RIMBP2: variants seen among roughly 807,000 people sequenced by gnomAD.
RIMBP2 encodes the protein RIMS binding protein 2, also known as RIMS-binding protein 2.
A neutral mutation model predicts 118.6 loss-of-function variants in RIMBP2; 48 were observed. That is an observed-to-expected ratio of 0.40 (90% CI 0.32 to 0.51). The LOEUF is 0.51. RIMBP2 is among the 20% of genes least tolerant of loss of function. The pLI is 0.41. For missense variants in RIMBP2, 1,551 were observed against 1,768.3 expected (o/e 0.88, Z 2.20); for synonymous variants, 762 against 742.9 (o/e 1.03, Z -0.42).
At chr12:130,467,621 A>G (rs1048221448) in intron 6 of RIMBP2, among the ~76,000 whole-genome samples, 1 of 152,180 alleles carries the variant, frequency 6.6e-6, no homozygotes, top group African/African-American at 2.4e-5. Flanking sequence ...CTCTTTCTCT[A>G]TTGCAACATC....
rs552223890 is a variant in RIMBP2, at chr12:130,434,449, C to T, written c.2253+285G>A. Among the ~76,000 whole-genome samples the T allele has an allele frequency of 3.9e-5, 6 of 152,328 alleles. No individual in the cohort carries two copies. Among genetic ancestry groups the T allele is most frequent in the South Asian group, 4.1e-4 (2 of 4,822 alleles). Reference sequence around the variant, plus strand: ...TGCCTGAACTGAGCCTAACCCTACCCGGACCTGCAAAACCACCCCTATGAC... The same window carrying T: ...TGCCTGAACTGAGCCTAACCCTACCTGGACCTGCAAAACCACCCCTATGAC... On this transcript the variant is annotated intron_variant, in intron 14 of 22. Coordinates refer to ENST00000690449, the MANE Select transcript of RIMBP2 (RefSeq NM_001393629.1). The surrounding 1 kb of genome is among the most constrained non-coding windows in gnomAD (Gnocchi z 5.7).
chr12:130,667,057 A>G (rs1382495231), intron 1 of RIMBP2, among the ~76,000 whole-genome samples: 1,430 of 55,698 alleles, frequency 0.026, 133 homozygotes, highest in African/African-American at 0.091. Context: ...GGGAGGGAGA[A>G]AAGGAAGAAG....
At chr12:130,439,364 T>C (rs1033764942) in intron 11 of RIMBP2, among the ~76,000 whole-genome samples, 7 of 150,002 alleles carry the variant, frequency 4.7e-5, no homozygotes, top group Admixed American at 2.0e-4. Context: ...GGCATGCGTA[T>C]GTGTGTATGT....
intron 11 of RIMBP2, among the ~76,000 whole-genome samples, chr12:130,438,834 GC>G (rs1329233030): frequency 6.6e-6 from 1 of 152,106 alleles, no homozygotes; most frequent in East Asian, 1.9e-4. Context: ...ACCCGGCAGA[GC>G]TACCTCTGTC....
chr12:130,540,908 G>C (rs1036769047), intron 2 of RIMBP2, among the ~76,000 whole-genome samples: 1 of 152,150 alleles, frequency 6.6e-6, no homozygotes, highest in African/African-American at 2.4e-5. Context: ...GGTTTCATGT[G>C]GGGGTGAGAG....
intron 5 of RIMBP2, among the ~76,000 whole-genome samples, chr12:130,478,646 TACGC>T (rs1411540234): frequency 2.0e-5 from 3 of 152,254 alleles, no homozygotes; most frequent in African/African-American, 7.2e-5. Context: ...CAGCCATCTC[TACGC>T]ATGTGTTTTT....
At chr12:130,430,993 T>C (rs949818373) in intron 14 of RIMBP2, among the ~76,000 whole-genome samples, 1 of 152,190 alleles carries the variant, frequency 6.6e-6, no homozygotes, top group Non-Finnish European at 1.5e-5. Context: ...ACCCGGAACA[T>C]AGACAATCTT....
intron 1 of RIMBP2, among the ~76,000 whole-genome samples, chr12:130,701,163 G>A (rs2065836702): frequency 6.6e-6 from 1 of 152,190 alleles, no homozygotes; most frequent in Middle Eastern, 3.2e-3. Flanking sequence ...GCTGTAGACA[G>A]GGAGCCACTC....
intron 1 of RIMBP2, among the ~76,000 whole-genome samples, chr12:130,629,478 G>C (rs2061848530): frequency 6.6e-6 from 1 of 152,208 alleles, no homozygotes; most frequent in Admixed American, 6.5e-5. Context: ...CAAGCAATCT[G>C]TGAGGGAAAC....
chr12:130,470,878 ACATT>A (rs1352280732), intron 5 of RIMBP2, 135 bp from the exon 6 acceptor site: 1 of 453,808 alleles, frequency 2.2e-6, no homozygotes, highest in Non-Finnish European at 3.6e-6. Flanking sequence ...AATTATTCCT[ACATT>A]CATTATTTAA....
chr12:130,642,185 G>A (rs1337111753), intron 1 of RIMBP2, among the ~76,000 whole-genome samples: 1 of 152,214 alleles, frequency 6.6e-6, no homozygotes, highest in Non-Finnish European at 1.5e-5. Flanking sequence ...AGACCAGAAA[G>A]AGAAGATGGC....
intron 13 of RIMBP2, among the ~76,000 whole-genome samples, chr12:130,436,155 C>A (rs1237998924): frequency 6.6e-6 from 1 of 152,208 alleles, no homozygotes; most frequent in East Asian, 1.9e-4. Flanking sequence ...TTCCCCTAGC[C>A]CTGCACGGGG....
At chr12:130,478,772 CTG>C in intron 5 of RIMBP2, 138 bp downstream of exon 5, 1 of 620,564 alleles carries the variant, frequency 1.6e-6, no homozygotes, top group Non-Finnish European at 2.9e-6. Flanking sequence ...AGAAATGACT[CTG>C]AATTCTTCTG....
chr12:130,656,349 C>T (rs1423105554), intron 1 of RIMBP2, among the ~76,000 whole-genome samples: 1 of 152,152 alleles, frequency 6.6e-6, no homozygotes, highest in Non-Finnish European at 1.5e-5. Flanking sequence ...CTGCCCGTCC[C>T]AGTGGGGCTG....
At chr12:130,631,111 A>C (rs375279600) in intron 1 of RIMBP2, among the ~76,000 whole-genome samples, 58 of 152,324 alleles carry the variant, frequency 3.8e-4, no homozygotes, top group African/African-American at 1.4e-3. Flanking sequence ...GAAATAAAGA[A>C]TCTAGAGAAA....
chr12:130,442,031 G>C lies in RIMBP2; in HGVS notation c.1321C>G (p.Leu441Val). 1.2e-6 allele frequency: 2 copies of C among 1,614,204 alleles called. No homozygotes were observed. The highest frequency in any genetic ancestry group is 1.7e-6 in the Non-Finnish European group (2 of 1,180,050). The part of the protein sequence containing the change: ...TNSNYSHVIF[L>V]NEEEFDIVKA... Reference sequence around the variant, plus strand: ...ACGATGTCGAACTCCTCCTCGTTGAGGAAGATGACGTGGCTGTAGTTGCTG... The same window carrying C: ...ACGATGTCGAACTCCTCCTCGTTGACGAAGATGACGTGGCTGTAGTTGCTG... Residue 441 changes from leucine (L) to valine (V), a missense_variant, in exon 11 of 23, where the codon CTC becomes GTC. Around this residue, in one of 5 missense-constraint regions of RIMBP2, gnomAD observed 265 missense variants for 349.5 expected, o/e 0.76. Coordinates refer to ENST00000690449, the MANE Select transcript of RIMBP2 (RefSeq NM_001393629.1). This position sits in a 1 kb window ranked among gnomAD's most constrained non-coding sequence, Gnocchi z 6.9.
At chr12:130,455,121 T>C (rs2079313746) in intron 7 of RIMBP2, among the ~76,000 whole-genome samples, 1 of 152,172 alleles carries the variant, frequency 6.6e-6, no homozygotes, top group Non-Finnish European at 1.5e-5. Flanking sequence ...GTGCGTTTCT[T>C]GTCGCACGGA....
At chr12:130,661,052 C>CA (rs1423094684) in intron 1 of RIMBP2, among the ~76,000 whole-genome samples, 2 of 152,106 alleles carry the variant, frequency 1.3e-5, no homozygotes, top group African/African-American at 2.4e-5. Context: ...GACCCTGTCT[C>CA]AAAAAAAGTA....
intron 1 of RIMBP2, among the ~76,000 whole-genome samples, chr12:130,647,185 A>C (rs1375859481): frequency 1.3e-5 from 2 of 152,220 alleles, no homozygotes; most frequent in East Asian, 3.9e-4. Flanking sequence ...CAACATGGTG[A>C]AACCCTGCCC....
Sources: gnomAD v4.1 joint callset for allele counts (sites outside exome capture counted in the v4.1 genomes callset) on GRCh38, gnomAD v4.1.1 for gene constraint, gnomAD v4.1.1 regional missense constraint, Gnocchi (gnomAD v3.1) non-coding constraint, MANE v1.5 for transcripts, NCBI Gene and HGNC (gene_info 2026-07-23, HGNC 2026-07-21) for gene names.